ATP8A2: variants seen among roughly 807,000 people sequenced by gnomAD.
ATP8A2 encodes ATPase phospholipid transporting 8A2, also known as phospholipid-transporting ATPase IB.
In ATP8A2, 100 loss-of-function variants were observed where a neutral mutation model predicts 165.6. The ratio of observed to expected loss-of-function variants is 0.60; its 90% confidence interval spans 0.51 to 0.71. The LOEUF is 0.71. Among genes scored for constraint, ATP8A2 ranks in the 30% least tolerant of loss-of-function variants. The probability of loss-of-function intolerance (pLI) is 0.00; values close to 1 mark genes in which losing one functional copy is unlikely to be tolerated. For missense variants in ATP8A2, 1,227 were observed against 1,479.5 expected (o/e 0.83, Z 2.80); for synonymous variants, 543 against 548.8 (o/e 0.99, Z 0.15).
chr13:25,819,734 C>T (rs550582265), intron 27 of ATP8A2, among the ~76,000 whole-genome samples: 37 of 151,366 alleles, frequency 2.4e-4, no homozygotes, highest in African/African-American at 7.5e-4. Flanking sequence ...TTTTATATAC[C>T]GCTGCTTTCA....
intron 33 of ATP8A2, among the ~76,000 whole-genome samples, chr13:25,925,794 C>T (rs571951627): frequency 3.3e-5 from 5 of 149,282 alleles, no homozygotes; most frequent in Non-Finnish European, 5.9e-5. Context: ...ATGGCATGAT[C>T]TCGGCTCACT....
intron 1 of ATP8A2, among the ~76,000 whole-genome samples, chr13:25,393,746 T>A (rs1272688308): frequency 6.6e-6 from 1 of 152,208 alleles, no homozygotes. Flanking sequence ...CTCCTCTATA[T>A]AACTTACAGC....
chr13:25,394,650 C>T (rs2033358636), intron 1 of ATP8A2, among the ~76,000 whole-genome samples: 1 of 152,070 alleles, frequency 6.6e-6, no homozygotes, highest in Non-Finnish European at 1.5e-5. Flanking sequence ...TGAAATATGC[C>T]TTTTGGACTA....
chr13:25,604,007 T>C (rs1193135870), intron 24 of ATP8A2, among the ~76,000 whole-genome samples: 1 of 151,728 alleles, frequency 6.6e-6, no homozygotes, highest in East Asian at 1.9e-4. Flanking sequence ...TGATAAGAGA[T>C]AGCAAATCTC....
chr13:25,815,757 C>T (rs1951000836), intron 27 of ATP8A2, among the ~76,000 whole-genome samples: 1 of 152,116 alleles, frequency 6.6e-6, no homozygotes, highest in South Asian at 2.1e-4. Context: ...CAGCATTATT[C>T]ACAGTAGCCA....
intron 26 of ATP8A2, among the ~76,000 whole-genome samples, chr13:25,771,629 G>A (rs896160060): frequency 3.3e-5 from 5 of 152,154 alleles, no homozygotes; most frequent in East Asian, 1.9e-4. Context: ...GCTTTAAAAC[G>A]CCATTGGGGG....
intron 25 of ATP8A2, among the ~76,000 whole-genome samples, chr13:25,699,842 G>A (rs1298773181): frequency 2.0e-5 from 3 of 146,642 alleles, no homozygotes; most frequent in African/African-American, 7.5e-5. Flanking sequence ...TCCTGGGAAG[G>A]TTTTTTTTTT....
intron 30 of ATP8A2, among the ~76,000 whole-genome samples, chr13:25,853,775 C>A (rs1221862986): frequency 6.6e-6 from 1 of 152,078 alleles, no homozygotes; most frequent in African/African-American, 2.4e-5. Context: ...GGAAAGACAT[C>A]CTAAGCTATG....
chr13:25,469,154 G>A (rs2035765504), intron 2 of ATP8A2, 33 bp downstream of exon 2: 3 of 1,609,562 alleles, frequency 1.9e-6, no homozygotes, highest in Non-Finnish European at 2.5e-6. Flanking sequence ...CGCGGAAGGC[G>A]GTGGAGTCAC....
At chr13:25,903,820 T>C (rs1346288942) in intron 33 of ATP8A2, among the ~76,000 whole-genome samples, 1 of 152,170 alleles carries the variant, frequency 6.6e-6, no homozygotes, top group Non-Finnish European at 1.5e-5. Flanking sequence ...TTTACTTATT[T>C]CTTTGGCTTG....
chr13:25,429,729 G>A (rs2034552670), intron 1 of ATP8A2, among the ~76,000 whole-genome samples: 1 of 152,166 alleles, frequency 6.6e-6, no homozygotes, highest in Non-Finnish European at 1.5e-5. Flanking sequence ...TTTGAGCCCA[G>A]CTGGGAAAGG....
chr13:25,430,684 G>A (rs1360497697), intron 1 of ATP8A2, among the ~76,000 whole-genome samples: 3 of 151,930 alleles, frequency 2.0e-5, no homozygotes, highest in African/African-American at 4.8e-5. Flanking sequence ...TGTAGCCTCC[G>A]CCTCCCAGTT....
intron 21 of ATP8A2, among the ~76,000 whole-genome samples, chr13:25,579,196 T>C (rs2039700358): frequency 6.6e-6 from 1 of 152,230 alleles, no homozygotes; most frequent in Non-Finnish European, 1.5e-5. Flanking sequence ...CTTGGTGTCC[T>C]TATGTCACTG....
chr13:25,744,177 T>C (rs1263789480), intron 25 of ATP8A2, among the ~76,000 whole-genome samples: 1 of 152,210 alleles, frequency 6.6e-6, no homozygotes, highest in Non-Finnish European at 1.5e-5. Context: ...TCTTTTTCAT[T>C]TTTCTGTTTA....
intron 27 of ATP8A2, among the ~76,000 whole-genome samples, chr13:25,805,069 C>T (rs1038981906): frequency 2.0e-5 from 3 of 152,140 alleles, no homozygotes; most frequent in Admixed American, 2.0e-4. Flanking sequence ...ATTTTCGGTG[C>T]TTTGCTAAGA....
chr13:25,900,974 G>A (rs1269982426), intron 33 of ATP8A2, among the ~76,000 whole-genome samples: 1 of 152,218 alleles, frequency 6.6e-6, no homozygotes, highest in Non-Finnish European at 1.5e-5. Flanking sequence ...TGGAAGAAAA[G>A]CCCATGCGTT....
intron 7 of ATP8A2, among the ~76,000 whole-genome samples, chr13:25,539,940 C>G (rs1566240828): frequency 6.6e-6 from 1 of 152,202 alleles, no homozygotes; most frequent in Non-Finnish European, 1.5e-5. Flanking sequence ...CTGGCCATGC[C>G]TTGGGCAGCC....
chr13:25,776,567 T>C (rs2044746143), intron 27 of ATP8A2, among the ~76,000 whole-genome samples: 1 of 152,188 alleles, frequency 6.6e-6, no homozygotes, highest in Non-Finnish European at 1.5e-5. Flanking sequence ...AGAACTTTAG[T>C]GGTTTCTCTC....
rs534386233 is a variant in ATP8A2 at position 25,645,286 on chromosome 13, C to A, written c.2212-53887C>A. Among the ~76,000 whole-genome samples the A allele has an allele frequency of 9.2e-5, 14 of 152,268 alleles. No homozygotes were observed. The South Asian group carries it at 2.9e-3, about 32-fold the overall frequency. Reference sequence around the variant, plus strand: ...GATCTTGTGAGACTATTCAGTATCACCAGAATAGCACAGGAAAGACTGGCC... The same window carrying A: ...GATCTTGTGAGACTATTCAGTATCAACAGAATAGCACAGGAAAGACTGGCC... On this transcript the variant is annotated intron_variant, in intron 24 of 36. Transcript: ENST00000381655.
Sources: allele counts gnomAD v4.1 joint callset (sites outside exome capture counted in the v4.1 genomes callset), GRCh38; gene constraint gnomAD v4.1.1; transcripts MANE v1.5; gene names NCBI Gene and HGNC (gene_info 2026-07-23, HGNC 2026-07-21).